PIEZO2: variants seen among roughly 807,000 people sequenced by gnomAD.
PIEZO2 encodes the protein piezo-type mechanosensitive ion channel component 2.
In PIEZO2, 172 loss-of-function variants were observed where a neutral mutation model predicts 337.3. The observed-to-expected ratio is 0.51, with a 90% CI of 0.45 to 0.58. The LOEUF (loss-of-function observed/expected upper bound fraction) is 0.58. Ranked by LOEUF, PIEZO2 falls within the 20% of genes least tolerant of loss-of-function variation. The pLI is 0.00. For synonymous variants in PIEZO2, 1,251 were observed against 1,228.5 expected (o/e 1.02, Z -0.38); for missense variants, 3,028 against 3,391.3 (o/e 0.89, Z 2.66).
rs2039142742 is a variant in PIEZO2 at position 10,784,435 on chromosome 18, TC to T, written c.2492+348del. ...ACTTGTGGTTGGCATAATGGAAAAA[TC>T]CTCTGAATTAGCCAGATTCCCTAAA... is the stretch of plus-strand genomic sequence containing the variant. On this transcript the variant is annotated intron_variant, in intron 17 of 55. Coordinates refer to ENST00000674853, the MANE Select transcript of PIEZO2 (RefSeq NM_001378183.1). The surrounding 1 kb of genome is among the most constrained non-coding windows in gnomAD (Gnocchi z 4.5). Among the ~76,000 whole-genome samples, 2 of 152,130 alleles carry T rather than the reference TC, an allele frequency of 1.3e-5. No individual in the cohort carries two copies. Among genetic ancestry groups the T allele is most frequent in the African/African-American group, 4.8e-5 (2 of 41,434 alleles).
intron 39 of PIEZO2, among the ~76,000 whole-genome samples, chr18:10,709,818 A>G (rs977789726): frequency 1.3e-4 from 20 of 152,266 alleles, no homozygotes; most frequent in African/African-American, 4.8e-4. Flanking sequence ...AGTGAGGGCG[A>G]TAAGCCTGTG....
chr18:10,900,940 A>C (rs1460967956), intron 4 of PIEZO2, among the ~76,000 whole-genome samples: 4 of 152,248 alleles, frequency 2.6e-5, no homozygotes, highest in Admixed American at 6.5e-5. Flanking sequence ...ATAGAAAACA[A>C]CGTTAGCATT....
intron 1 of PIEZO2, among the ~76,000 whole-genome samples, chr18:11,072,623 G>A (rs1374132661): frequency 6.6e-6 from 1 of 152,166 alleles, no homozygotes; most frequent in Non-Finnish European, 1.5e-5. Flanking sequence ...ATTAACTCTT[G>A]TAGTTATTAT....
intron 3 of PIEZO2, among the ~76,000 whole-genome samples, chr18:10,939,881 T>C (rs1046788754): frequency 1.1e-4 from 16 of 152,060 alleles, no homozygotes; most frequent in Non-Finnish European, 1.3e-4. Flanking sequence ...ATATGTATAC[T>C]TATGTAACAA....
Position 11,070,163 on chromosome 18 carries a change from T to G in PIEZO2, c.65-3941A>C, listed in dbSNP as rs2038285931. On this transcript the variant is annotated intron_variant, in intron 1 of 55. Transcript: ENST00000674853. The surrounding 1 kb of genome is among the most constrained non-coding windows in gnomAD (Gnocchi z 4.3). Reference sequence around the variant, plus strand: ...CACCTAGACATATGGTGTAGCCTACTGCTCCTAGGCCAAAAACCTATGCAG... The same window carrying G: ...CACCTAGACATATGGTGTAGCCTACGGCTCCTAGGCCAAAAACCTATGCAG... Among the ~76,000 whole-genome samples, 2 of 152,222 alleles carry G rather than the reference T, an allele frequency of 1.3e-5. No homozygotes were observed. The highest frequency in any genetic ancestry group is 6.5e-5 in the Admixed American group (1 of 15,284).
At chr18:11,103,459 T>A (rs1006493377) in intron 1 of PIEZO2, among the ~76,000 whole-genome samples, 1 of 152,220 alleles carries the variant, frequency 6.6e-6, no homozygotes, top group Non-Finnish European at 1.5e-5. Flanking sequence ...CTAAGCCAGA[T>A]AGAATCTGAA....
At chr18:10,684,220 C>G (rs1347096051) in intron 49 of PIEZO2, among the ~76,000 whole-genome samples, 15 of 112,620 alleles carry the variant, frequency 1.3e-4, no homozygotes, top group South Asian at 3.3e-4. Flanking sequence ...GGCTGGAGTG[C>G]AGTGGCGCGA....
chr18:10,975,788 T>C (rs974964132), intron 3 of PIEZO2, among the ~76,000 whole-genome samples: 1 of 152,206 alleles, frequency 6.6e-6, no homozygotes, highest in African/African-American at 2.4e-5. Flanking sequence ...ATTTAACACC[T>C]ATAAATGAGC....
intron 7 of PIEZO2, among the ~76,000 whole-genome samples, chr18:10,818,889 G>A (rs1010122306): frequency 1.3e-5 from 2 of 152,104 alleles, no homozygotes; most frequent in African/African-American, 2.4e-5. Context: ...ATATATAACC[G>A]AATTATTGGC....
rs2040772510 is a variant in PIEZO2 at position 10,829,301 on chromosome 18, C to T, written c.918-22027G>A. 2.0e-5 allele frequency among the ~76,000 whole-genome samples: 3 copies of T among 152,036 alleles called. No homozygotes were observed. In the South Asian group the frequency reaches 6.2e-4, roughly 32 times the overall value. On this transcript the variant is annotated intron_variant, in intron 7 of 55. Transcript: ENST00000674853. ...AAAACTGGATATAGAAGGAACATAC[C>T]TCAACACAATAAAAGCCATATATGA...
chr18:10,722,601 A>C (rs2036365791), intron 36 of PIEZO2, among the ~76,000 whole-genome samples: 2 of 152,162 alleles, frequency 1.3e-5, no homozygotes, highest in Admixed American at 6.5e-5. Context: ...TGACACAAGA[A>C]AAAAAATAAA....
At chr18:10,989,598 T>C (rs1041939094) in intron 2 of PIEZO2, among the ~76,000 whole-genome samples, 2 of 152,052 alleles carry the variant, frequency 1.3e-5, no homozygotes, top group Non-Finnish European at 2.9e-5. Flanking sequence ...ATCTAAAATG[T>C]ATATGAAATT....
In PIEZO2 at chr18:10,917,843, C is replaced by T. The variant is rs576736961; in HGVS notation, c.287-6615G>A. Among the ~76,000 whole-genome samples, 32 of 152,296 alleles carry T rather than the reference C, an allele frequency of 2.1e-4. No individual in the cohort carries two copies. In the South Asian group the frequency reaches 4.3e-3, roughly 21 times the overall value. On this transcript the variant is annotated intron_variant, in intron 3 of 55. Transcript: ENST00000674853. ...ACAGAAATTGGTGATGAAACTAAAACATCAGGAAATTGTACCACTCATAAC... is the reference window on the plus strand; with the variant it reads ...ACAGAAATTGGTGATGAAACTAAAATATCAGGAAATTGTACCACTCATAAC...
intron 37 of PIEZO2, 36 bp from the exon 38 acceptor site, chr18:10,715,852 C>G (rs765020494): frequency 6.9e-7 from 1 of 1,449,220 alleles, no homozygotes; most frequent in African/African-American, 1.4e-5. Context: ...GTTAAAGGAA[C>G]AAAATACCAT....
At chr18:11,036,198 A>G (rs1333228298) in intron 2 of PIEZO2, among the ~76,000 whole-genome samples, 1 of 152,212 alleles carries the variant, frequency 6.6e-6, no homozygotes, top group Admixed American at 6.5e-5. Context: ...GCAGGAAAAT[A>G]GCTTTGGTTA....
rs1389003884 is a variant in PIEZO2, at chr18:11,111,451, G to A, written c.64+37074C>T. On this transcript the variant is annotated intron_variant, in intron 1 of 55. Coordinates refer to ENST00000674853, the MANE Select transcript of PIEZO2 (RefSeq NM_001378183.1). This position sits in a 1 kb window ranked among gnomAD's most constrained non-coding sequence, Gnocchi z 6.2. ...AAATTATACCATCTGGCAAAACTAG[G>A]CTCACGTGGCACGTGGCAACAATAG... 6.6e-6 allele frequency among the ~76,000 whole-genome samples: 1 copy of A among 152,076 alleles called. No homozygotes were observed. Among genetic ancestry groups the A allele is most frequent in the African/African-American group, 2.4e-5 (1 of 41,402 alleles).
intron 1 of PIEZO2, among the ~76,000 whole-genome samples, chr18:11,087,464 C>G (rs2038948639): frequency 6.6e-6 from 1 of 152,140 alleles, no homozygotes. Flanking sequence ...ATATATTTAT[C>G]TGAGTATAGA....
chr18:10,969,115 A>G lies in PIEZO2; in HGVS notation c.286+10420T>C, dbSNP rs553356087. Among the ~76,000 whole-genome samples, 9 of 152,330 alleles carry G rather than the reference A, an allele frequency of 5.9e-5. No homozygotes were observed. The East Asian group carries it at 1.3e-3, about 23-fold the overall frequency. ...CTTAGCCCAATTCTGCTGCTTTCAA[A>G]TGCCTTTGAAATGTCCTTCCATATT... On this transcript the variant is annotated intron_variant, in intron 3 of 55. Coordinates refer to ENST00000674853, the MANE Select transcript of PIEZO2 (RefSeq NM_001378183.1). The surrounding 1 kb of genome is among the most constrained non-coding windows in gnomAD (Gnocchi z 4.5).
chr18:10,979,791 AT>A lies in PIEZO2; in HGVS notation c.161-132del. 7.7e-6 allele frequency: 6 copies of A among 775,784 alleles called. No individual in the cohort carries two copies. The highest frequency in any genetic ancestry group is 1.1e-5 in the Non-Finnish European group (6 of 550,938). 48.1% of individuals were successfully genotyped at this position (775,784 alleles called of 1,614,324 possible). On this transcript the variant is annotated intron_variant, in intron 2 of 55. Coordinates refer to ENST00000674853, the MANE Select transcript of PIEZO2 (RefSeq NM_001378183.1). The surrounding 1 kb of genome is among the most constrained non-coding windows in gnomAD (Gnocchi z 4.0). ...AAGTATATGGAATGTAATAATTATC[AT>A]CTTAATTATTAGTCTATAGCTAAAT...
Sources: gnomAD v4.1 joint callset for allele counts (sites outside exome capture counted in the v4.1 genomes callset) on GRCh38, gnomAD v4.1.1 for gene constraint, Gnocchi (gnomAD v3.1) non-coding constraint, MANE v1.5 for transcripts, NCBI Gene and HGNC (gene_info 2026-07-23, HGNC 2026-07-21) for gene names.